Variants in ADGRL3 observed in about 807,000 individuals in gnomAD.
ADGRL3 encodes adhesion G protein-coupled receptor L3, also known as calcium-independent alpha-latrotoxin receptor 3.
A neutral mutation model predicts 153.5 loss-of-function variants in ADGRL3; 62 were observed. The observed-to-expected ratio is 0.40, with a 90% CI of 0.33 to 0.50. The LOEUF (loss-of-function observed/expected upper bound fraction) is 0.50. Among genes scored for constraint, ADGRL3 ranks in the 20% least tolerant of loss-of-function variants. ADGRL3 has a pLI of 0.47. For missense variants in ADGRL3, 1,641 were observed against 1,859.4 expected, an observed-to-expected ratio of 0.88 and a Z score of 2.16; for synonymous variants, 710 against 672.5, an observed-to-expected ratio of 1.06 and a Z score of -0.86.
intron 6 of ADGRL3, among the ~76,000 whole-genome samples, chr4:61,714,057 C>G (rs926177866): frequency 2.0e-5 from 3 of 151,978 alleles, no homozygotes; most frequent in Admixed American, 2.0e-4. Context: ...CTATGGAATG[C>G]GTAAATGTTA....
chr4:61,209,601 T>C (rs1738951254), intron 1 of ADGRL3, among the ~76,000 whole-genome samples: 1 of 152,148 alleles, frequency 6.6e-6, no homozygotes, highest in Non-Finnish European at 1.5e-5. Flanking sequence ...CTTTACTATG[T>C]TCTTTCCCTC....
At chr4:61,236,010 T>TTC (rs1005534102) in intron 1 of ADGRL3, among the ~76,000 whole-genome samples, 3 of 137,906 alleles carry the variant, frequency 2.2e-5, no homozygotes, top group Admixed American at 7.3e-5. Flanking sequence ...TTTCTTTTCT[T>TTC]TTTTTTTTTT....
chr4:61,407,518 G>A (rs6551626), intron 2 of ADGRL3, among the ~76,000 whole-genome samples: 4,708 of 152,088 alleles, frequency 0.031, 225 homozygotes, highest in East Asian at 0.21. Flanking sequence ...ACATGCTGAT[G>A]GTGTCACAGA....
chr4:61,873,362 C>A (rs13134900), intron 9 of ADGRL3, among the ~76,000 whole-genome samples: 3 of 152,198 alleles, frequency 2.0e-5, no homozygotes, highest in South Asian at 2.1e-4. Flanking sequence ...CCTCCCTAAC[C>A]TAATTCAAGC....
chr4:61,274,018 G>T (rs1560412635), intron 1 of ADGRL3, among the ~76,000 whole-genome samples: 1 of 152,082 alleles, frequency 6.6e-6, no homozygotes, highest in Non-Finnish European at 1.5e-5. Flanking sequence ...ATGCTAAGGT[G>T]ACCTTTATCT....
chr4:61,461,402 T>C (rs2097815914), intron 2 of ADGRL3, among the ~76,000 whole-genome samples: 1 of 152,146 alleles, frequency 6.6e-6, no homozygotes, highest in South Asian at 2.1e-4. Context: ...AAAGAAATAA[T>C]AAGTGTTTGA....
chr4:61,701,285 A>T (rs2095753961), intron 6 of ADGRL3, among the ~76,000 whole-genome samples: 1 of 152,178 alleles, frequency 6.6e-6, no homozygotes, highest in Non-Finnish European at 1.5e-5. Flanking sequence ...TTAGCTTTAT[A>T]GAATTCTGTA....
intron 2 of ADGRL3, among the ~76,000 whole-genome samples, chr4:61,491,541 TAAATA>T (rs754255200): frequency 1.6e-4 from 24 of 152,286 alleles, no homozygotes; most frequent in Non-Finnish European, 2.2e-4. Flanking sequence ...GACAAATGAT[TAAATA>T]AAACAACTGG....
At chr4:61,444,858 G>T (rs1169827088) in intron 2 of ADGRL3, among the ~76,000 whole-genome samples, 1 of 152,050 alleles carries the variant, frequency 6.6e-6, no homozygotes, top group African/African-American at 2.4e-5. Context: ...TTCCAGACCA[G>T]CCTGGGCAAC....
intron 21 of ADGRL3, among the ~76,000 whole-genome samples, chr4:62,014,952 G>A (rs1296592215): frequency 2.0e-5 from 3 of 152,148 alleles, no homozygotes; most frequent in African/African-American, 7.2e-5. Flanking sequence ...TTTTTCGGCA[G>A]TGGTTTCCAG....
intron 4 of ADGRL3, among the ~76,000 whole-genome samples, chr4:61,537,940 A>G (rs374034586): frequency 5.9e-5 from 9 of 151,996 alleles, no homozygotes; most frequent in African/African-American, 1.9e-4. Context: ...CTTGCAATTC[A>G]TTTTTTTAAA....
chr4:61,996,824 C>G (rs1415240073), intron 20 of ADGRL3, among the ~76,000 whole-genome samples: 1 of 152,116 alleles, frequency 6.6e-6, no homozygotes, highest in African/African-American at 2.4e-5. Flanking sequence ...TAACATTTTA[C>G]TTGAGAATGG....
At chr4:61,444,982 G>A (rs2097566470) in intron 2 of ADGRL3, among the ~76,000 whole-genome samples, 1 of 151,982 alleles carries the variant, frequency 6.6e-6, no homozygotes, top group Admixed American at 6.6e-5. Flanking sequence ...AGCCCAGGAG[G>A]TCAAGGATGC....
chr4:61,766,837 A>G (rs2096988189), intron 8 of ADGRL3, among the ~76,000 whole-genome samples: 1 of 151,968 alleles, frequency 6.6e-6, no homozygotes, highest in Non-Finnish European at 1.5e-5. Context: ...ATAGGAGAGT[A>G]TATGGGTTTG....
intron 4 of ADGRL3, among the ~76,000 whole-genome samples, chr4:61,520,227 A>T (rs1197901651): frequency 6.6e-6 from 1 of 152,172 alleles, no homozygotes; most frequent in Non-Finnish European, 1.5e-5. Context: ...CAGATTTCCC[A>T]GTTAATGACT....
intron 5 of ADGRL3, among the ~76,000 whole-genome samples, chr4:61,670,706 A>G (rs2094960791): frequency 6.6e-6 from 1 of 152,112 alleles, no homozygotes; most frequent in African/African-American, 2.4e-5. Flanking sequence ...TAGGTCTTTT[A>G]TGTGTCAGAA....
intron 2 of ADGRL3, among the ~76,000 whole-genome samples, chr4:61,463,627 T>C (rs2097848585): frequency 6.6e-6 from 1 of 152,166 alleles, no homozygotes; most frequent in Non-Finnish European, 1.5e-5. Flanking sequence ...ACATGCTAAA[T>C]GTGGCAATCC....
intron 2 of ADGRL3, among the ~76,000 whole-genome samples, chr4:61,401,799 C>T (rs889622255): frequency 3.5e-4 from 54 of 152,124 alleles, no homozygotes; most frequent in African/African-American, 1.2e-3. Flanking sequence ...TTCAGTGTTT[C>T]TCTAGTAATA....
intron 1 of ADGRL3, among the ~76,000 whole-genome samples, chr4:61,208,231 C>G (rs1738251910): frequency 2.0e-5 from 3 of 151,914 alleles, no homozygotes; most frequent in African/African-American, 7.3e-5. Flanking sequence ...CAGAAAGGGA[C>G]TCTGGAGTGT....
Sources: gnomAD v4.1 joint callset for allele counts (sites outside exome capture counted in the v4.1 genomes callset) on GRCh38, gnomAD v4.1.1 for gene constraint, MANE v1.5 for transcripts, NCBI Gene and HGNC (gene_info 2026-07-23, HGNC 2026-07-21) for gene names.